Variants in LY6H observed in about 807,000 individuals in gnomAD.
The protein encoded by LY6H is lymphocyte antigen 6H.
In LY6H, 8 loss-of-function variants were observed where a neutral mutation model predicts 14.6. That is an observed-to-expected ratio of 0.55 (90% CI 0.32 to 0.99). The LOEUF is 0.99. Among genes scored for constraint, LY6H ranks in the 50% least tolerant of loss-of-function variants. The pLI is 0.04. For missense variants in LY6H, 196 were observed against 219.6 expected (o/e 0.89, Z 0.68); for synonymous variants, 115 against 97.2 (o/e 1.18, Z -1.08).
chr8:143,160,216 C>T lies in LY6H; in HGVS notation c.-17G>A, dbSNP rs1173485206. 1 of 1,284,024 alleles carries T rather than the reference C, an allele frequency of 7.8e-7. No individual in the cohort carries two copies. Among genetic ancestry groups the T allele is most frequent in the Non-Finnish European group, 9.9e-7 (1 of 1,014,838 alleles). The allele number at this position is 1,284,024 out of a possible 1,614,324, so 79.5% of individuals were successfully genotyped here. On this transcript the variant is annotated 5_prime_UTR_variant, in exon 1 of 4. In the 5' UTR this introduces an upstream ATG that the reference lacks. Coordinates refer to ENST00000342752, the MANE Select transcript of LY6H (RefSeq NM_001135655.2). ...CACTCACATCCCGGGGGTGTCCGCA[C>T]TCCGGGCTCGGGCGGCGTGCGCGGC...
chr8:143,160,449 C>T (rs997455408), upstream of LY6H: 6 of 149,112 alleles, frequency 4.0e-5, no homozygotes, highest in Non-Finnish European at 7.5e-5. Context: ...CTGGCCCGGG[C>T]CCTCCGCGCC....
At chr8:143,159,785 C>A in intron 1 of LY6H, 76 bp from the exon 2 acceptor site, 8 of 1,294,526 alleles carry the variant, frequency 6.2e-6, no homozygotes, top group Non-Finnish European at 7.9e-6. Context: ...ACCTTCTCCC[C>A]GGAATCCAAG....
Position 143,160,178 on chromosome 8 carries a change from G to T in LY6H, c.2+20C>A. 7.8e-7 allele frequency: 1 copy of T among 1,283,374 alleles called. No individual in the cohort carries two copies. The highest frequency in any genetic ancestry group is 2.9e-5 in the East Asian group (1 of 35,040). The allele number at this position is 1,283,374 out of a possible 1,614,324, so 79.5% of individuals were successfully genotyped here. A position where few individuals can be genotyped will look rare whatever the true frequency, so the allele number is the denominator to read the frequency against. On this transcript the variant is annotated intron_variant, in intron 1 of 3. Coordinates refer to ENST00000342752, the MANE Select transcript of LY6H (RefSeq NM_001135655.2). ...GATGGGGCGTGGAGCGCGGGCCTCGGGGTCGGGGGGCTCACTCACATCCCG... is the reference window on the plus strand; with the variant it reads ...GATGGGGCGTGGAGCGCGGGCCTCGTGGTCGGGGGGCTCACTCACATCCCG...
Position 143,158,501 on chromosome 8 carries a change from G to A in LY6H, c.251-16C>T, listed in dbSNP as rs756713458. ...TCCTTCCTGCCTGGGAAGAGAAAGC[G>A]TGGCCTGGGACGGGGGCTCCTCCTG... On this transcript the variant is annotated splice_polypyrimidine_tract_variant and intron_variant, in intron 3 of 3. Coordinates refer to ENST00000342752, the MANE Select transcript of LY6H (RefSeq NM_001135655.2). 1.7e-5 allele frequency: 27 copies of A among 1,597,354 alleles called. No homozygotes were observed. The highest frequency in any genetic ancestry group is 4.5e-5 in the East Asian group (2 of 44,816).
chr8:143,158,389 G>A lies in LY6H; in HGVS notation c.347C>T (p.Ser116Phe). 6.2e-7 allele frequency: 1 copy of A among 1,613,926 alleles called. No individual in the cohort carries two copies. The highest frequency in any genetic ancestry group is 8.5e-7 in the Non-Finnish European group (1 of 1,179,960). ...FSDYLMGFIN[S>F]GILKVDVDCC... ...GTCCACGTCGACCTTTAAGATCCCA[G>A]AGTTAATAAACCCCATCAGATAGTC... Residue 116 changes from serine to phenylalanine, a missense_variant, in exon 4 of 4, where the codon TCT (serine) becomes TTT (phenylalanine). Transcript: ENST00000342752.
At chr8:143,160,134 C>G in intron 1 of LY6H, 64 bp downstream of exon 1, 1 of 1,236,918 alleles carries the variant, frequency 8.1e-7, no homozygotes, top group Non-Finnish European at 1.0e-6. Context: ...CTTCCGCGCG[C>G]GCCTCGGCGC....
At position 143,158,321 on chromosome 8, in the gene LY6H, G is replaced by T; in HGVS notation, c.415C>A (p.His139Asn). ...DLCNGAAGAGHSPWALAGGLL... is the reference protein window; with the variant it reads ...DLCNGAAGAGNSPWALAGGLL... The stretch of plus-strand genomic sequence containing the variant: ...CCCCCGGCCAGGGCCCAGGGGCTGT[G>T]CCCTGCCCCTGCCGCCCCATTGCAC... The change falls in exon 4 of 4, where the codon CAC (histidine) becomes AAC (asparagine). Residue 139 changes from histidine (H) to asparagine (N), a missense_variant. Coordinates refer to ENST00000342752, the MANE Select transcript of LY6H (RefSeq NM_001135655.2). The T allele has an allele frequency of 6.2e-7, 1 of 1,613,720 alleles. No homozygotes were observed. Among genetic ancestry groups the T allele is most frequent in the Non-Finnish European group, 8.5e-7 (1 of 1,179,916 alleles).
At chr8:143,158,569 C>T (rs1815509714) in intron 3 of LY6H, 84 bp from the exon 4 acceptor site, 5 of 1,295,684 alleles carry the variant, frequency 3.9e-6, no homozygotes, top group South Asian at 2.6e-5. Flanking sequence ...CAGGCCCCTC[C>T]GGGTCAGCTC....
chr8:143,159,637 T>C lies in LY6H; in HGVS notation c.75A>G (p.Ala25=). Residue 25 remains alanine, a synonymous_variant, in exon 2 of 4, where the codon GCA becomes GCG. Coordinates refer to ENST00000342752, the MANE Select transcript of LY6H (RefSeq NM_001135655.2). ...APRPTRSMLP[A]AMKGLGLALL... ...GCGCCAGGCCGAGGCCCTTCATGGC[T>C]GCAGGCAGCATGCTCCGGGTGGGCC... The C allele has an allele frequency of 6.8e-7, 1 of 1,461,710 alleles. No homozygotes were observed. Among genetic ancestry groups the C allele is most frequent in the Non-Finnish European group, 9.0e-7 (1 of 1,116,556 alleles). The allele number at this position is 1,461,710 out of a possible 1,614,324, so 90.5% of individuals were successfully genotyped here.
In LY6H at chr8:143,158,464, T is replaced by A; in HGVS notation, c.272A>T (p.Asn91Ile). The stretch of plus-strand genomic sequence containing the variant: ...GTCACAGGAGGAGGCACACATCTTG[T>A]TCACCGAGTGATCCTTCCTGCCTGG... Reference protein sequence around the residue: ...PSSSRKDHSVNKMCASSCDFV... With the variant: ...PSSSRKDHSVIKMCASSCDFV... Residue 91 changes from asparagine (N) to isoleucine (I), a missense_variant, in exon 4 of 4, where the codon AAC becomes ATC. Coordinates refer to ENST00000342752, the MANE Select transcript of LY6H (RefSeq NM_001135655.2). 6.2e-7 allele frequency: 1 copy of A among 1,613,676 alleles called. No homozygotes were observed. Among genetic ancestry groups the A allele is most frequent in the Non-Finnish European group, 8.5e-7 (1 of 1,179,722 alleles).
chr8:143,159,002 C>T (rs1815523875), intron 2 of LY6H, 80 bp from the exon 3 acceptor site: 6 of 1,545,356 alleles, frequency 3.9e-6, no homozygotes, highest in Non-Finnish European at 4.4e-6. Flanking sequence ...CCACCCATCC[C>T]CCTGCTGCAG....
chr8:143,160,127 C>A, intron 1 of LY6H, 71 bp downstream of exon 1: 10 of 1,225,424 alleles, frequency 8.2e-6, no homozygotes, highest in Non-Finnish European at 9.2e-6. Context: ...CCTTGGCCTT[C>A]CGCGCGCGCC....
Position 143,159,673 on chromosome 8 carries a change from G to A in LY6H, c.39C>T (p.Arg13=). 7.1e-7 allele frequency: 1 copy of A among 1,399,772 alleles called. No individual in the cohort carries two copies. The highest frequency in any genetic ancestry group is 9.2e-7 in the Non-Finnish European group (1 of 1,088,106). The allele number at this position is 1,399,772 out of a possible 1,614,324, so 86.7% of individuals were successfully genotyped here. A position where few individuals can be genotyped will look rare whatever the true frequency, so the allele number is the denominator to read the frequency against. ...APQRTRAPSP[R]AAPRPTRSML... ...TGCTCCGGGTGGGCCTGGGGGCGGC[G>A]CGGGGGCTTGGGGCGCGGGTCCTCT... The change falls in exon 2 of 4, where the codon CGC becomes CGT. Residue 13 remains arginine (R), a synonymous_variant. Transcript: ENST00000342752.
At chr8:143,160,078 CT>C in intron 1 of LY6H, 119 bp downstream of exon 1, 1 of 950,716 alleles carries the variant, frequency 1.1e-6, no homozygotes, top group East Asian at 3.3e-5. Flanking sequence ...ACCCCCACCC[CT>C]GGGCTGGGGG....
At position 143,158,358 on chromosome 8, in the gene LY6H, G is replaced by A. The variant is rs533516530; in HGVS notation, c.378C>T (p.Cys126=). ...CCGCCCCATTGCACAAATCCTTCTC[G>A]CAGCAGTCCACGTCGACCTTTAAGA... ...SGILKVDVDC[C]EKDLCNGAAG... Residue 126 remains cysteine (C), a synonymous_variant, in exon 4 of 4, where the codon TGC becomes TGT. Transcript: ENST00000342752. The A allele has an allele frequency of 2.2e-5, 36 of 1,613,612 alleles. No homozygotes were observed. The highest frequency in any genetic ancestry group is 6.7e-5 in the African/African-American group (5 of 74,876).
chr8:143,159,927 C>G, intron 1 of LY6H: 2 of 1,230,214 alleles, frequency 1.6e-6, no homozygotes, highest in Non-Finnish European at 2.0e-6. Context: ...CTCCGCCCCG[C>G]GCCGGCACCT....
At chr8:143,159,000 C>T (rs1391632720) in intron 2 of LY6H, 78 bp from the exon 3 acceptor site, 4 of 1,543,548 alleles carry the variant, frequency 2.6e-6, no homozygotes, top group Non-Finnish European at 3.5e-6. Context: ...CCCCACCCAT[C>T]CCCCTGCTGC....
chr8:143,159,459 G>A, intron 2 of LY6H, 123 bp downstream of exon 2: 1 of 1,176,548 alleles, frequency 8.5e-7, no homozygotes, highest in South Asian at 1.8e-5. Context: ...GTCCCGGAGG[G>A]GGCGTGGGCT....
chr8:143,158,333 C>A lies in LY6H; in HGVS notation c.403G>T (p.Ala135Ser), dbSNP rs775405237. 1.2e-6 allele frequency: 2 copies of A among 1,613,698 alleles called. No homozygotes were observed. The highest frequency in any genetic ancestry group is 1.7e-6 in the Non-Finnish European group (2 of 1,179,886). ...CCEKDLCNGA[A>S]GAGHSPWALA... The stretch of plus-strand genomic sequence containing the variant: ...GCCCAGGGGCTGTGCCCTGCCCCTG[C>A]CGCCCCATTGCACAAATCCTTCTCG... Residue 135 changes from alanine (A) to serine (S), a missense_variant, in exon 4 of 4, where the codon GCA (alanine) becomes TCA (serine). Transcript: ENST00000342752.
Sources: gnomAD v4.1 joint callset for allele counts on GRCh38, gnomAD v4.1.1 for gene constraint, MANE v1.5 for transcripts, NCBI Gene and HGNC (gene_info 2026-07-23, HGNC 2026-07-21) for gene names.